The following CWF19L1 variants were observed in gnomAD, a reference collection of about 807,000 sequenced individuals.
The protein encoded by CWF19L1 is CWF19-like protein 1.
Under a neutral mutation model 69.7 loss-of-function variants are expected in CWF19L1, and 60 were observed. That is an observed-to-expected ratio of 0.86 (90% CI 0.70 to 1.07). The LOEUF is 1.07. CWF19L1 is among the 50% of genes least tolerant of loss of function. The probability of loss-of-function intolerance (pLI) is 0.00; values close to 1 mark genes in which losing one functional copy is unlikely to be tolerated. For missense variants in CWF19L1, 591 were observed against 638.9 expected (o/e 0.92, Z 0.81); for synonymous variants, 209 against 222.2 (o/e 0.94, Z 0.53).
In CWF19L1 at chr10:100,246,792, T is replaced by C. The variant is rs1846837355; in HGVS notation, c.849+3A>G. On this transcript the variant is annotated splice_donor_region_variant and intron_variant, in intron 8 of 13. Coordinates refer to ENST00000354105, the MANE Select transcript of CWF19L1 (RefSeq NM_018294.6). ...AAAATGCCAACCCTCAATCAGAACATACCACAGGGGCAAGAATTTGCTTTC... is the reference window on the plus strand; with the variant it reads ...AAAATGCCAACCCTCAATCAGAACACACCACAGGGGCAAGAATTTGCTTTC... The C allele has an allele frequency of 6.2e-7, 1 of 1,612,904 alleles. No homozygotes were observed. The highest frequency in any genetic ancestry group is 8.5e-7 in the Non-Finnish European group (1 of 1,179,190).
intron 1 of CWF19L1, among the ~76,000 whole-genome samples, chr10:100,265,247 A>AGT (rs1481269762): frequency 6.6e-6 from 1 of 152,160 alleles, no homozygotes; most frequent in Non-Finnish European, 1.5e-5. Flanking sequence ...CTGTGTTATA[A>AGT]CAAGAGTCAA....
intron 1 of CWF19L1, 103 bp from the exon 2 acceptor site, chr10:100,262,166 C>G (rs1416718283): frequency 6.9e-7 from 1 of 1,448,674 alleles, no homozygotes; most frequent in Non-Finnish European, 9.1e-7. Context: ...ATGATCTAGT[C>G]TCTCTGCAGT....
chr10:100,238,166 G>C lies in CWF19L1; in HGVS notation c.1110C>G (p.His370Gln), dbSNP rs979514823. Reference sequence around the variant, plus strand: ...CTGAAAGCTCCACCACTGACTGGTAGTGTCCAATAGGCAGGATGAGGACAT... The same window carrying C: ...CTGAAAGCTCCACCACTGACTGGTACTGTCCAATAGGCAGGATGAGGACAT... The part of the protein sequence containing the change: ...DDHVLILPIG[H>Q]YQSVVELSAE... The change falls in exon 11 of 14, where the codon CAC becomes CAG. Residue 370 changes from histidine (H) to glutamine (Q), a missense_variant. By Grantham distance (24) the His-to-Gln change is conservative. Coordinates refer to ENST00000354105, the MANE Select transcript of CWF19L1 (RefSeq NM_018294.6). 11 of 1,614,054 alleles carry C rather than the reference G, an allele frequency of 6.8e-6. No individual in the cohort carries two copies. The highest frequency in any genetic ancestry group is 9.3e-6 in the Non-Finnish European group (11 of 1,180,048).
chr10:100,265,922 TA>T (rs1331137344), intron 1 of CWF19L1, among the ~76,000 whole-genome samples: 1 of 152,202 alleles, frequency 6.6e-6, no homozygotes, highest in Non-Finnish European at 1.5e-5. Flanking sequence ...CGTACAGCTA[TA>T]CCATTTAGCC....
chr10:100,243,767 TG>T lies in CWF19L1; in HGVS notation c.974del (p.Pro325GlnfsTer58), dbSNP rs756911730. The T allele has an allele frequency of 6.2e-7, 1 of 1,614,120 alleles. No homozygotes were observed. The highest frequency in any genetic ancestry group is 1.1e-5 in the South Asian group (1 of 91,080). On this transcript the variant is annotated frameshift_variant, in exon 10 of 14. Transcript: ENST00000354105. LOFTEE classifies it high-confidence loss of function. ...TAGCAAGGCAAAACCAGCAGGGTCC[TG>T]GAGGCTGAGCTTCATGTAAAAGAAA... is the stretch of plus-strand genomic sequence containing the variant. Reference protein sequence around the residue: ...PKQPRKPPQPPGPCWFCLASP... With the variant: ...PKQPRKPPQPXGPCWFCLASP...
intron 5 of CWF19L1, among the ~76,000 whole-genome samples, chr10:100,255,927 C>T (rs1847197583): frequency 6.6e-6 from 1 of 150,464 alleles, no homozygotes; most frequent in African/African-American, 2.5e-5. Context: ...GAGACTCCAT[C>T]TCAAAAAAAA....
At chr10:100,244,650 T>C (rs760995235) in intron 9 of CWF19L1, among the ~76,000 whole-genome samples, 36 of 152,076 alleles carry the variant, frequency 2.4e-4, no homozygotes, top group Non-Finnish European at 4.4e-4. Flanking sequence ...CCACCGCGCC[T>C]GGCCCGTTAT....
intron 1 of CWF19L1, among the ~76,000 whole-genome samples, chr10:100,264,414 G>A (rs998339320): frequency 7.9e-5 from 12 of 151,828 alleles, no homozygotes; most frequent in African/African-American, 1.9e-4. Context: ...GCGTGGTGGC[G>A]GGCGCCTGTA....
chr10:100,237,923 A>T, intron 11 of CWF19L1, 99 bp downstream of exon 11: 1 of 1,157,958 alleles, frequency 8.6e-7, no homozygotes, highest in Non-Finnish European at 1.3e-6. Flanking sequence ...TGCTAGGATT[A>T]CAGGCGTGAG....
chr10:100,249,311 A>G (rs1223061796), intron 7 of CWF19L1, among the ~76,000 whole-genome samples: 1 of 152,222 alleles, frequency 6.6e-6, no homozygotes, highest in Non-Finnish European at 1.5e-5. Context: ...TGTCTATGGC[A>G]TGTGATAGTG....
chr10:100,237,849 G>A (rs547364242), intron 11 of CWF19L1, among the ~76,000 whole-genome samples, 173 bp downstream of exon 11: 3 of 151,908 alleles, frequency 2.0e-5, no homozygotes, highest in South Asian at 2.1e-4. Context: ...GGGTTTCACC[G>A]TGTTGCCCAG....
intron 1 of CWF19L1, among the ~76,000 whole-genome samples, chr10:100,263,367 C>T (rs770940570): frequency 6.6e-6 from 1 of 152,188 alleles, no homozygotes; most frequent in Non-Finnish European, 1.5e-5. Context: ...TTTTCCCATC[C>T]TTCAAGGTTT....
chr10:100,241,173 A>G (rs1258407560), intron 10 of CWF19L1, among the ~76,000 whole-genome samples: 1 of 151,688 alleles, frequency 6.6e-6, no homozygotes, highest in African/African-American at 2.4e-5. Flanking sequence ...CGCCCAGCTA[A>G]TTTTTGTATT....
At chr10:100,238,956 G>T (rs1241176505) in intron 10 of CWF19L1, among the ~76,000 whole-genome samples, 1 of 132,998 alleles carries the variant, frequency 7.5e-6, no homozygotes. Flanking sequence ...AAAAAAAAAT[G>T]ACCCCTTTCT....
chr10:100,257,430 G>A (rs1847251929), intron 4 of CWF19L1, among the ~76,000 whole-genome samples: 1 of 150,986 alleles, frequency 6.6e-6, no homozygotes, highest in Non-Finnish European at 1.5e-5. Flanking sequence ...CTCCCAAGTA[G>A]CTGGGACTAC....
At chr10:100,263,496 A>G (rs1407051974) in intron 1 of CWF19L1, among the ~76,000 whole-genome samples, 4 of 152,162 alleles carry the variant, frequency 2.6e-5, no homozygotes, top group Non-Finnish European at 5.9e-5. Context: ...ACTTTTATTT[A>G]TATTTTGAGC....
At chr10:100,242,236 T>G (rs1405110552) in intron 10 of CWF19L1, among the ~76,000 whole-genome samples, 1 of 152,220 alleles carries the variant, frequency 6.6e-6, no homozygotes, top group Non-Finnish European at 1.5e-5. Context: ...TCATCTTGGG[T>G]TCCTAGATAC....
intron 5 of CWF19L1, chr10:100,254,397 T>A (rs1847142780): frequency 6.6e-6 from 1 of 152,118 alleles, no homozygotes; most frequent in Non-Finnish European, 1.5e-5. Flanking sequence ...TAATATGAAG[T>A]TTGCTCAAAG....
intron 1 of CWF19L1, among the ~76,000 whole-genome samples, chr10:100,266,034 C>T (rs1011481884): frequency 6.6e-6 from 1 of 152,020 alleles, no homozygotes. Context: ...CAGAACATAA[C>T]CCTGCTGTTA....
Sources: gnomAD v4.1 joint callset for allele counts (sites outside exome capture counted in the v4.1 genomes callset) on GRCh38, gnomAD v4.1.1 for gene constraint, MANE v1.5 for transcripts, NCBI Gene and HGNC (gene_info 2026-07-23, HGNC 2026-07-21) for gene names.